CYP7B1: variants seen among roughly 807,000 people sequenced by gnomAD.
CYP7B1 encodes cytochrome P450 7B1.
CYP7B1 carries 29 observed loss-of-function variants against 42.7 expected under a neutral mutation model. That is an observed-to-expected ratio of 0.68 (90% confidence interval 0.51 to 0.93). The LOEUF is 0.93. Ranked by LOEUF, CYP7B1 falls within the 40% of genes least tolerant of loss-of-function variation. The probability of loss-of-function intolerance (pLI) is 0.00; values close to 1 mark genes in which losing one functional copy is unlikely to be tolerated. For missense variants in CYP7B1, 655 were observed against 600.5 expected, an observed-to-expected ratio of 1.09 and a Z score of -0.95; for synonymous variants, 235 against 218.2, an observed-to-expected ratio of 1.08 and a Z score of -0.68.
intron 1 of CYP7B1, among the ~76,000 whole-genome samples, chr8:64,653,327 G>A (rs1482817965): frequency 2.6e-5 from 4 of 152,086 alleles, no homozygotes; most frequent in Admixed American, 2.6e-4. Context: ...TGTTACCACT[G>A]ACCCCACAGA....
At chr8:64,752,614 T>C (rs1463183551) in intron 1 of CYP7B1, among the ~76,000 whole-genome samples, 1 of 152,184 alleles carries the variant, frequency 6.6e-6, no homozygotes, top group Non-Finnish European at 1.5e-5. Flanking sequence ...GGAGAGAATA[T>C]ATTTTTCTAA....
chr8:64,759,100 C>T (rs1478744719), intron 1 of CYP7B1, among the ~76,000 whole-genome samples: 2 of 152,188 alleles, frequency 1.3e-5, no homozygotes, highest in African/African-American at 4.8e-5. Context: ...GGGCTTCCTA[C>T]TCTGATCAGC....
At chr8:64,760,755 T>C (rs1365124156) in intron 1 of CYP7B1, among the ~76,000 whole-genome samples, 2 of 152,108 alleles carry the variant, frequency 1.3e-5, no homozygotes, top group Admixed American at 6.5e-5. Flanking sequence ...TTGGTGAGAA[T>C]GTAAATTGGT....
intron 1 of CYP7B1, among the ~76,000 whole-genome samples, chr8:64,689,348 T>C (rs1258945605): frequency 6.6e-6 from 1 of 152,232 alleles, no homozygotes; most frequent in African/African-American, 2.4e-5. Context: ...CCTACTTCAA[T>C]GGCAGGCACC....
chr8:64,745,750 G>A (rs1807634383), intron 1 of CYP7B1, among the ~76,000 whole-genome samples: 1 of 152,134 alleles, frequency 6.6e-6, no homozygotes. Flanking sequence ...CTACAATGGG[G>A]TCATCCCACC....
chr8:64,750,264 T>G (rs929990654), intron 1 of CYP7B1, among the ~76,000 whole-genome samples: 4 of 152,158 alleles, frequency 2.6e-5, no homozygotes, highest in African/African-American at 7.2e-5. Flanking sequence ...CACCTTTACC[T>G]CACTTTAAAG....
intron 1 of CYP7B1, among the ~76,000 whole-genome samples, chr8:64,698,235 C>G (rs965320754): frequency 6.6e-6 from 1 of 152,066 alleles, no homozygotes; most frequent in Admixed American, 6.6e-5. Context: ...AAGAAGCAGA[C>G]AGTGGGGCCA....
chr8:64,633,367 A>G (rs2129630775), intron 1 of CYP7B1, among the ~76,000 whole-genome samples: 1 of 152,322 alleles, frequency 6.6e-6, no homozygotes, highest in Non-Finnish European at 1.5e-5. Flanking sequence ...AGAATCAGTA[A>G]CAACAAAATT....
At chr8:64,651,889 G>A (rs1288976753) in intron 1 of CYP7B1, among the ~76,000 whole-genome samples, 1 of 152,184 alleles carries the variant, frequency 6.6e-6, no homozygotes, top group Non-Finnish European at 1.5e-5. Context: ...AATGAACTAA[G>A]ACAGCTCCCT....
intron 1 of CYP7B1, among the ~76,000 whole-genome samples, chr8:64,727,726 G>C (rs1470590668): frequency 6.6e-6 from 1 of 152,090 alleles, no homozygotes; most frequent in African/African-American, 2.4e-5. Flanking sequence ...AGTTTTTTTA[G>C]ACTGACAGAC....
intron 1 of CYP7B1, among the ~76,000 whole-genome samples, chr8:64,674,091 T>C (rs1404845046): frequency 1.3e-5 from 2 of 152,060 alleles, no homozygotes; most frequent in Non-Finnish European, 2.9e-5. Context: ...AAGAAGTGAA[T>C]GATCGACACT....
At chr8:64,625,006 C>T (rs534051991) in intron 1 of CYP7B1, among the ~76,000 whole-genome samples, 29 of 115,052 alleles carry the variant, frequency 2.5e-4, no homozygotes, top group African/African-American at 1.1e-3. Context: ...CGGAGTCTCG[C>T]TCTGTCACCC....
chr8:64,691,162 A>G (rs974583919), intron 1 of CYP7B1, among the ~76,000 whole-genome samples: 2 of 152,212 alleles, frequency 1.3e-5, no homozygotes, highest in Non-Finnish European at 2.9e-5. Context: ...AAAAGTCTCA[A>G]TAGACATGGG....
At chr8:64,672,376 G>T (rs965749664) in intron 1 of CYP7B1, among the ~76,000 whole-genome samples, 1 of 151,988 alleles carries the variant, frequency 6.6e-6, no homozygotes, top group East Asian at 1.9e-4. Flanking sequence ...TGACACTGTT[G>T]GTAGACAAAG....
chr8:64,681,425 C>G (rs981375059), intron 1 of CYP7B1, among the ~76,000 whole-genome samples: 1 of 152,154 alleles, frequency 6.6e-6, no homozygotes, highest in Non-Finnish European at 1.5e-5. Context: ...AGCTTCACCT[C>G]CTGATATTCA....
intron 1 of CYP7B1, among the ~76,000 whole-genome samples, chr8:64,645,602 C>T (rs1209801812): frequency 1.3e-5 from 2 of 152,076 alleles, no homozygotes; most frequent in Admixed American, 1.3e-4. Context: ...GAATCAATAT[C>T]GTGAAAATGG....
At chr8:64,789,008 C>T (rs902523109) in intron 1 of CYP7B1, among the ~76,000 whole-genome samples, 1 of 151,794 alleles carries the variant, frequency 6.6e-6, no homozygotes, top group African/African-American at 2.4e-5. Context: ...GCAACCTCTG[C>T]CTCCTGGGTT....
intron 1 of CYP7B1, among the ~76,000 whole-genome samples, chr8:64,651,323 A>C (rs1402709298): frequency 6.6e-6 from 1 of 152,242 alleles, no homozygotes; most frequent in Non-Finnish European, 1.5e-5. Flanking sequence ...CAATAAAACA[A>C]AATGGTGTGA....
intron 2 of CYP7B1, among the ~76,000 whole-genome samples, chr8:64,618,245 T>C (rs1805475442): frequency 6.6e-6 from 1 of 152,052 alleles, no homozygotes; most frequent in Non-Finnish European, 1.5e-5. Context: ...TAGGCAAAGT[T>C]GTGTATTTTC....
Sources: allele counts gnomAD v4.1 joint callset (sites outside exome capture counted in the v4.1 genomes callset), GRCh38; gene constraint gnomAD v4.1.1; transcripts MANE v1.5; gene names NCBI Gene and HGNC (gene_info 2026-07-23, HGNC 2026-07-21).